Variants in DIAPH3 observed in about 807,000 individuals in gnomAD.
The protein encoded by DIAPH3 is protein diaphanous homolog 3.
Under a neutral mutation model 144.3 loss-of-function variants are expected in DIAPH3, and 117 were observed. The ratio of observed to expected loss-of-function variants is 0.81; its 90% CI spans 0.70 to 0.95. The LOEUF is 0.95. DIAPH3 is among the 40% of genes least tolerant of loss of function. The probability of loss-of-function intolerance (pLI) is 0.00; values close to 1 mark genes in which losing one functional copy is unlikely to be tolerated. For missense variants in DIAPH3, 1,421 were observed against 1,412.7 expected (o/e 1.01, Z -0.09); for synonymous variants, 519 against 488.9 (o/e 1.06, Z -0.81).
intron 19 of DIAPH3, among the ~76,000 whole-genome samples, chr13:59,914,651 G>A (rs149297712): frequency 6.6e-6 from 1 of 152,280 alleles, no homozygotes; most frequent in African/African-American, 2.4e-5. Flanking sequence ...ACGGAGATGT[G>A]ACTATGAGAC....
chr13:60,149,546 T>G (rs1305756671), intron 1 of DIAPH3, among the ~76,000 whole-genome samples: 2 of 150,352 alleles, frequency 1.3e-5, no homozygotes, highest in African/African-American at 4.9e-5. Flanking sequence ...AGCCCAAGAG[T>G]TCAAGACAAG....
At chr13:59,702,046 T>C (rs935152585) in intron 27 of DIAPH3, among the ~76,000 whole-genome samples, 5 of 152,238 alleles carry the variant, frequency 3.3e-5, no homozygotes, top group African/African-American at 1.2e-4. Flanking sequence ...TTACTGTTTG[T>C]TTTCCTTTCC....
intron 17 of DIAPH3, among the ~76,000 whole-genome samples, chr13:59,968,648 A>G (rs777754622): frequency 1.3e-5 from 2 of 152,194 alleles, no homozygotes; most frequent in Non-Finnish European, 2.9e-5. Flanking sequence ...GTTTTTATCA[A>G]ATTCTAGAAA....
intron 20 of DIAPH3, among the ~76,000 whole-genome samples, chr13:59,887,656 G>A (rs1000775680): frequency 2.6e-5 from 4 of 151,980 alleles, no homozygotes; most frequent in Non-Finnish European, 4.4e-5. Context: ...TTTGATATGC[G>A]TTTAAAAATA....
At chr13:59,856,946 C>T (rs2139896798) in intron 22 of DIAPH3, among the ~76,000 whole-genome samples, 1 of 151,754 alleles carries the variant, frequency 6.6e-6, no homozygotes, top group East Asian at 1.9e-4. Context: ...ATATTCTACT[C>T]CTGATTTGAA....
chr13:60,080,097 G>A (rs2057503201), intron 4 of DIAPH3, among the ~76,000 whole-genome samples: 1 of 151,758 alleles, frequency 6.6e-6, no homozygotes. Flanking sequence ...AGTTTTAAGG[G>A]CTAAATAAGT....
intron 24 of DIAPH3, among the ~76,000 whole-genome samples, chr13:59,820,762 CTATT>C (rs1043079909): frequency 2.2e-4 from 33 of 150,556 alleles, no homozygotes; most frequent in African/African-American, 7.8e-4. Context: ...GCATTAAATA[CTATT>C]TAGTGTTATA....
At chr13:59,730,686 C>A (rs1759472407) in intron 27 of DIAPH3, among the ~76,000 whole-genome samples, 1 of 152,106 alleles carries the variant, frequency 6.6e-6, no homozygotes, top group South Asian at 2.1e-4. Context: ...AGATTTGAGG[C>A]CATTCTGCCT....
chr13:59,747,153 TA>T (rs1364968051), intron 27 of DIAPH3, among the ~76,000 whole-genome samples: 1 of 151,950 alleles, frequency 6.6e-6, no homozygotes, highest in East Asian at 1.9e-4. Context: ...CAAACCAAAC[TA>T]TAAACAAATA....
intron 24 of DIAPH3, among the ~76,000 whole-genome samples, chr13:59,813,858 C>CAAA (rs34778897): frequency 1.2e-4 from 11 of 91,208 alleles, no homozygotes; most frequent in African/African-American, 3.7e-4. Context: ...GACTTTGTCT[C>CAAA]AAAAAAAAAA....
intron 18 of DIAPH3, among the ~76,000 whole-genome samples, chr13:59,924,517 G>C (rs2140301822): frequency 6.6e-6 from 1 of 150,440 alleles, no homozygotes; most frequent in Middle Eastern, 3.6e-3. Context: ...ACTTTAAAGA[G>C]TAGCTGTTTT....
At chr13:59,762,659 G>A (rs533269076) in intron 27 of DIAPH3, among the ~76,000 whole-genome samples, 32 of 150,758 alleles carry the variant, frequency 2.1e-4, no homozygotes, top group Non-Finnish European at 3.2e-4. Flanking sequence ...GTCTAAAATC[G>A]TCCCGGAAGC....
rs2041828334 is a variant in DIAPH3, at chr13:59,832,470, T to A, written c.3027+637A>T. On this transcript the variant is annotated intron_variant, in intron 24 of 27. Transcript: ENST00000400324. The stretch of plus-strand genomic sequence containing the variant: ...CCCATCTATTAAGAATAACAATTTT[T>A]CATTGTAGAAATATGTCACCAGTTT... 2.0e-5 allele frequency among the ~76,000 whole-genome samples: 3 copies of A among 151,884 alleles called. 1 individual carries two copies. Among genetic ancestry groups the A allele is most frequent in the South Asian group, 4.1e-4 (2 of 4,832 alleles).
chr13:60,163,731 G>C lies in DIAPH3; in HGVS notation c.36C>G (p.Ala12=). 3 of 1,606,768 alleles carry C rather than the reference G, an allele frequency of 1.9e-6. No homozygotes were observed. The highest frequency in any genetic ancestry group is 2.5e-6 in the Non-Finnish European group (3 of 1,176,908). Residue 12 remains alanine (A), a synonymous_variant, in exon 1 of 28, where the codon GCC becomes GCG. Transcript: ENST00000400324. The part of the protein sequence containing the change: ...ERHQPRLHHP[A]QGSAAGTPYP... ...AGGGAGTCCCAGCGGCTGAGCCTTGGGCCGGGTGGTGCAGCCGCGGCTGGT... is the reference window on the plus strand; with the variant it reads ...AGGGAGTCCCAGCGGCTGAGCCTTGCGCCGGGTGGTGCAGCCGCGGCTGGT...
chr13:59,754,445 A>T (rs2037160429), intron 27 of DIAPH3, among the ~76,000 whole-genome samples: 1 of 151,544 alleles, frequency 6.6e-6, no homozygotes, highest in Non-Finnish European at 1.5e-5. Flanking sequence ...ATAGACTCCC[A>T]CTCCTCTCAC....
intron 15 of DIAPH3, 106 bp from the exon 16 acceptor site, chr13:59,971,266 C>T: frequency 9.5e-7 from 1 of 1,055,924 alleles, no homozygotes; most frequent in Non-Finnish European, 1.3e-6. Flanking sequence ...AAAATAATTA[C>T]ATATCAGTAA....
At chr13:59,904,928 C>T (rs992542502) in intron 20 of DIAPH3, among the ~76,000 whole-genome samples, 2 of 151,974 alleles carry the variant, frequency 1.3e-5, no homozygotes, top group African/African-American at 4.8e-5. Flanking sequence ...ATAATAACTG[C>T]TTCGATCTCA....
chr13:59,993,542 C>G (rs930736841), intron 9 of DIAPH3, among the ~76,000 whole-genome samples: 1 of 151,410 alleles, frequency 6.6e-6, no homozygotes, highest in African/African-American at 2.4e-5. Context: ...AAGACACCAA[C>G]AGAATTCTCA....
At chr13:60,068,060 C>T (rs1012173174) in intron 4 of DIAPH3, among the ~76,000 whole-genome samples, 1 of 152,128 alleles carries the variant, frequency 6.6e-6, no homozygotes, top group African/African-American at 2.4e-5. Flanking sequence ...CAAATTCATT[C>T]TTTTTAATAT....
Sources: gnomAD v4.1 joint callset for allele counts (sites outside exome capture counted in the v4.1 genomes callset) on GRCh38, gnomAD v4.1.1 for gene constraint, MANE v1.5 for transcripts, NCBI Gene and HGNC (gene_info 2026-07-23, HGNC 2026-07-21) for gene names.